Variants in ESF1 observed in about 807,000 individuals in gnomAD.
ESF1 encodes ESF1 homolog.
A neutral mutation model predicts 92.0 loss-of-function variants in ESF1; 58 were observed. That is an observed-to-expected ratio of 0.63 (90% CI 0.51 to 0.78). ESF1 has a LOEUF of 0.78. Among genes scored for constraint, ESF1 ranks in the 30% least tolerant of loss-of-function variants. The pLI is 0.00. For missense variants in ESF1, 922 were observed against 989.1 expected, an observed-to-expected ratio of 0.93 and a Z score of 0.91; for synonymous variants, 321 against 313.7, an observed-to-expected ratio of 1.02 and a Z score of -0.24.
intron 13 of ESF1, among the ~76,000 whole-genome samples, chr20:13,716,804 ATTTTTTTTTTTTTTTTTTT>A: frequency 2.2e-5 from 1 of 45,916 alleles, no homozygotes. Flanking sequence ...CTATACCTGG[ATTTTTTTTTTTTTTTTTTT>A]TTTTTTTTTT....
intron 1 of ESF1, among the ~76,000 whole-genome samples, chr20:13,783,742 G>C (rs934461305): frequency 6.6e-6 from 1 of 152,182 alleles, no homozygotes; most frequent in Non-Finnish European, 1.5e-5. Context: ...TTCCACCCGG[G>C]AGGTCTTGGC....
In ESF1 at chr20:13,782,810, C is replaced by T. The variant is rs1291300026; in HGVS notation, c.331G>A (p.Val111Ile). Residue 111 changes from valine (V) to isoleucine (I), a missense_variant, in exon 2 of 14, where the codon GTT becomes ATT. By Grantham distance (29) the Val-to-Ile change is conservative (BLOSUM62 3). Transcript: ENST00000617257. Reference sequence around the variant, plus strand: ...TTCTTGGTTTCTTTCTTTTTCTCAACTAGATTTTTTGAATCGATTTCTTTT... The same window carrying T: ...TTCTTGGTTTCTTTCTTTTTCTCAATTAGATTTTTTGAATCGATTTCTTTT... ...TKKEIDSKNL[V>I]EKKKETKKAN... is the part of the protein sequence containing the mutation. 6.2e-7 allele frequency: 1 copy of T among 1,604,460 alleles called. No individual in the cohort carries two copies. Among genetic ancestry groups the T allele is most frequent in the Non-Finnish European group, 8.5e-7 (1 of 1,177,984 alleles).
chr20:13,742,893 C>T (rs958823386), intron 9 of ESF1, among the ~76,000 whole-genome samples: 2 of 152,182 alleles, frequency 1.3e-5, no homozygotes, highest in Non-Finnish European at 2.9e-5. Flanking sequence ...GCCCTCCCTC[C>T]TGTGGCAACC....
chr20:13,719,162 T>C (rs976635609), intron 11 of ESF1, among the ~76,000 whole-genome samples, 178 bp from the exon 12 acceptor site: 2 of 152,144 alleles, frequency 1.3e-5, no homozygotes, highest in African/African-American at 2.4e-5. Flanking sequence ...ATGGAATAAA[T>C]ACAATGCTTC....
chr20:13,714,985 A>T lies in ESF1; in HGVS notation c.2445T>A (p.Ile815=), dbSNP rs752242992. 6.2e-7 allele frequency: 1 copy of T among 1,613,970 alleles called. No homozygotes were observed. The highest frequency in any genetic ancestry group is 1.1e-5 in the South Asian group (1 of 91,066). Residue 815 remains isoleucine (I), a synonymous_variant, in exon 14 of 14, where the codon ATT becomes ATA. Transcript: ENST00000617257. ...TGGACTTCCTTTGTGATTCCTTTTCAATCTCACTCTCTTTTTTCTTTATTG... is the reference window on the plus strand; with the variant it reads ...TGGACTTCCTTTGTGATTCCTTTTCTATCTCACTCTCTTTTTTCTTTATTG... ...TQAIKKKESE[I]EKESQRKSID... is the part of the protein sequence containing the mutation.
intron 9 of ESF1, among the ~76,000 whole-genome samples, chr20:13,746,991 A>G (rs1480657922): frequency 6.6e-6 from 1 of 152,178 alleles, no homozygotes; most frequent in East Asian, 1.9e-4. Flanking sequence ...ACACAATGAC[A>G]ATGTTTGTAC....
intron 9 of ESF1, among the ~76,000 whole-genome samples, chr20:13,758,267 G>A (rs1200792694): frequency 6.6e-6 from 1 of 152,194 alleles, no homozygotes; most frequent in Non-Finnish European, 1.5e-5. Flanking sequence ...AAAAATAGCT[G>A]TTAAAATCAC....
intron 9 of ESF1, among the ~76,000 whole-genome samples, chr20:13,758,288 T>C (rs1360580131): frequency 6.6e-6 from 1 of 152,204 alleles, no homozygotes; most frequent in Non-Finnish European, 1.5e-5. Flanking sequence ...TTTTTAGACT[T>C]TTCCTCTCCA....
At chr20:13,768,622 C>T (rs547633038) in intron 7 of ESF1, among the ~76,000 whole-genome samples, 13 of 151,028 alleles carry the variant, frequency 8.6e-5, no homozygotes, top group African/African-American at 2.2e-4. Flanking sequence ...AGGGGCCAGG[C>T]GCAGTGGCTC....
At chr20:13,755,557 T>G (rs1394707030) in intron 9 of ESF1, among the ~76,000 whole-genome samples, 1 of 152,200 alleles carries the variant, frequency 6.6e-6, no homozygotes, top group Non-Finnish European at 1.5e-5. Flanking sequence ...CTTAGTAAGT[T>G]GGCAGGATAC....
intron 9 of ESF1, among the ~76,000 whole-genome samples, chr20:13,750,304 A>T (rs1352134449): frequency 6.6e-6 from 1 of 152,188 alleles, no homozygotes; most frequent in Non-Finnish European, 1.5e-5. Flanking sequence ...CAGGAGTTCG[A>T]GACCAGCCTG....
intron 11 of ESF1, among the ~76,000 whole-genome samples, chr20:13,724,958 C>A (rs1305275734): frequency 6.6e-6 from 1 of 152,196 alleles, no homozygotes; most frequent in African/African-American, 2.4e-5. Context: ...GCCTCCCATA[C>A]CGCTGCTCTT....
intron 9 of ESF1, among the ~76,000 whole-genome samples, chr20:13,735,870 G>A (rs575638648): frequency 6.6e-6 from 1 of 152,236 alleles, no homozygotes; most frequent in South Asian, 2.1e-4. Flanking sequence ...GGTGACTAGA[G>A]GACTGGGTTG....
At chr20:13,760,295 T>A (rs1245033242) in intron 8 of ESF1, among the ~76,000 whole-genome samples, 2 of 145,464 alleles carry the variant, frequency 1.4e-5, no homozygotes, top group East Asian at 4.2e-4. Context: ...GCCGTCATCC[T>A]ATCTAGGAAG....
intron 9 of ESF1, among the ~76,000 whole-genome samples, chr20:13,741,988 C>T (rs1412763891): frequency 6.6e-6 from 1 of 152,178 alleles, no homozygotes; most frequent in East Asian, 1.9e-4. Flanking sequence ...GAAGGAAACA[C>T]ATGTTCAATC....
At chr20:13,778,535 T>C (rs902350653) in intron 2 of ESF1, among the ~76,000 whole-genome samples, 1 of 152,074 alleles carries the variant, frequency 6.6e-6, no homozygotes, top group Admixed American at 6.6e-5. Context: ...ACAGAAGTGA[T>C]AGGGTAATTA....
At chr20:13,769,869 TAG>T in intron 7 of ESF1, 36 bp downstream of exon 7, 1 of 1,252,262 alleles carries the variant, frequency 8.0e-7, no homozygotes, top group East Asian at 2.3e-5. Context: ...CATAAAGCAA[TAG>T]AGTCCAGCTA....
chr20:13,744,387 T>C (rs2050034515), intron 9 of ESF1, among the ~76,000 whole-genome samples: 1 of 152,190 alleles, frequency 6.6e-6, no homozygotes, highest in African/African-American at 2.4e-5. Context: ...ACATTCTACA[T>C]ATGAGGAAAA....
At chr20:13,771,556 T>C in intron 5 of ESF1, 73 bp from the exon 6 acceptor site, 2 of 1,259,660 alleles carry the variant, frequency 1.6e-6, no homozygotes, top group Admixed American at 4.3e-5. Context: ...ATAAATGTAA[T>C]TCTTTCAAGA....
Sources: gnomAD v4.1 joint callset for allele counts (sites outside exome capture counted in the v4.1 genomes callset) on GRCh38, gnomAD v4.1.1 for gene constraint, MANE v1.5 for transcripts, NCBI Gene and HGNC (gene_info 2026-07-23, HGNC 2026-07-21) for gene names.